UVRAG: variants seen among roughly 807,000 people sequenced by gnomAD.
UVRAG encodes UV radiation resistance associated, also known as UV radiation resistance-associated gene protein.
UVRAG carries 19 observed loss-of-function variants against 78.0 expected under a neutral mutation model. That is an observed-to-expected ratio of 0.24 (90% CI 0.17 to 0.36). The LOEUF (loss-of-function observed/expected upper bound fraction) is 0.36. Among genes scored for constraint, UVRAG ranks in the 10% least tolerant of loss-of-function variants. The pLI, the probability that UVRAG is intolerant of heterozygous loss-of-function variation, is 1.00. For missense variants in UVRAG, 740 were observed against 853.8 expected (o/e 0.87, Z 1.66); for synonymous variants, 323 against 324.6 (o/e 1.00, Z 0.05).
intron 12 of UVRAG, among the ~76,000 whole-genome samples, chr11:76,043,490 G>A (rs1180395905): frequency 2.0e-5 from 3 of 152,174 alleles, no homozygotes; most frequent in Non-Finnish European, 1.5e-5. Flanking sequence ...ATATTGGTAT[G>A]TGTCTTCAAT....
chr11:75,883,097 T>C (rs1245021560), intron 4 of UVRAG, among the ~76,000 whole-genome samples: 1 of 152,190 alleles, frequency 6.6e-6, no homozygotes, highest in Non-Finnish European at 1.5e-5. Context: ...TTGGATAGAC[T>C]CTGATATTAA....
intron 14 of UVRAG, among the ~76,000 whole-genome samples, chr11:76,123,986 G>A (rs532093615): frequency 3.3e-5 from 5 of 151,544 alleles, no homozygotes; most frequent in Non-Finnish European, 2.9e-5. Context: ...GGCTGGTCTC[G>A]AACTCCTGAC....
intron 12 of UVRAG, among the ~76,000 whole-genome samples, chr11:76,061,768 T>G (rs1243261864): frequency 6.6e-6 from 1 of 152,112 alleles, no homozygotes; most frequent in Non-Finnish European, 1.5e-5. Flanking sequence ...ACCGCGAGGG[T>G]CCGCAGCTTC....
At chr11:75,947,135 C>T (rs1948601344) in intron 6 of UVRAG, among the ~76,000 whole-genome samples, 1 of 152,014 alleles carries the variant, frequency 6.6e-6, no homozygotes, top group South Asian at 2.1e-4. Flanking sequence ...GTCTTGTTTC[C>T]AAATATAGTC....
chr11:75,961,603 T>C (rs1411928061), intron 7 of UVRAG, 54 bp downstream of exon 7: 2 of 1,378,006 alleles, frequency 1.5e-6, no homozygotes, highest in Non-Finnish European at 2.0e-6. Flanking sequence ...AAGGAGAGTA[T>C]CATATTCTTC....
intron 5 of UVRAG, among the ~76,000 whole-genome samples, chr11:75,902,864 G>A (rs1485148778): frequency 6.6e-6 from 1 of 152,038 alleles, no homozygotes; most frequent in African/African-American, 2.4e-5. Flanking sequence ...TAGTCTCTTT[G>A]TATCCACTCT....
chr11:76,067,824 C>T (rs1328604165), intron 13 of UVRAG, among the ~76,000 whole-genome samples: 5 of 151,932 alleles, frequency 3.3e-5, no homozygotes, highest in African/African-American at 1.2e-4. Context: ...GCTCCTCCAG[C>T]GATGTCAGCC....
At chr11:75,996,672 C>T (rs1409429773) in intron 8 of UVRAG, among the ~76,000 whole-genome samples, 1 of 152,034 alleles carries the variant, frequency 6.6e-6, no homozygotes, top group Non-Finnish European at 1.5e-5. Flanking sequence ...TGGGGGCAGG[C>T]ACAATAATGC....
intron 13 of UVRAG, among the ~76,000 whole-genome samples, chr11:76,082,244 T>TA (rs1296326600): frequency 6.6e-6 from 1 of 152,040 alleles, no homozygotes; most frequent in African/African-American, 2.4e-5. Flanking sequence ...ATCTTGCCAT[T>TA]AAAAAATCAT....
chr11:76,102,952 CT>C (rs572745278), intron 13 of UVRAG, among the ~76,000 whole-genome samples: 1 of 152,172 alleles, frequency 6.6e-6, no homozygotes, highest in Non-Finnish European at 1.5e-5. Context: ...CAATAATCCA[CT>C]TCCAAGCTCA....
intron 2 of UVRAG, among the ~76,000 whole-genome samples, chr11:75,852,766 A>G (rs1269624104): frequency 6.6e-6 from 1 of 152,186 alleles, no homozygotes; most frequent in Non-Finnish European, 1.5e-5. Flanking sequence ...GGCAAGACAG[A>G]TTTTTATGAG....
At chr11:75,853,266 A>G (rs1055943788) in intron 2 of UVRAG, among the ~76,000 whole-genome samples, 4 of 149,212 alleles carry the variant, frequency 2.7e-5, no homozygotes, top group African/African-American at 1.0e-4. Context: ...AACTTTTTTT[A>G]ATGTCAATTC....
At chr11:75,886,893 T>C (rs1361904097) in intron 4 of UVRAG, among the ~76,000 whole-genome samples, 1 of 151,870 alleles carries the variant, frequency 6.6e-6, no homozygotes, top group African/African-American at 2.4e-5. Flanking sequence ...ATGAAGTAAC[T>C]AAAGCTATTT....
chr11:76,111,589 AAC>A (rs1399568393), intron 13 of UVRAG, among the ~76,000 whole-genome samples: 1 of 152,240 alleles, frequency 6.6e-6, no homozygotes, highest in Non-Finnish European at 1.5e-5. Flanking sequence ...GTAACATACC[AAC>A]ACAGAGTTCC....
chr11:75,883,868 G>A (rs987640436), intron 4 of UVRAG, among the ~76,000 whole-genome samples: 4 of 152,216 alleles, frequency 2.6e-5, no homozygotes, highest in South Asian at 4.2e-4. Context: ...TTGAAAAACC[G>A]ATAGAGTTGA....
At chr11:76,106,615 G>A (rs1455259188) in intron 13 of UVRAG, among the ~76,000 whole-genome samples, 2 of 152,044 alleles carry the variant, frequency 1.3e-5, no homozygotes, top group Non-Finnish European at 2.9e-5. Context: ...TGATCCACCT[G>A]CCTCGGCCTC....
intron 6 of UVRAG, among the ~76,000 whole-genome samples, chr11:75,925,657 G>A (rs903427480): frequency 2.6e-5 from 4 of 152,148 alleles, no homozygotes; most frequent in Admixed American, 1.3e-4. Flanking sequence ...GTCAGAATCC[G>A]TTCCTTTTCT....
chr11:75,849,076 C>A (rs972125272), intron 1 of UVRAG, among the ~76,000 whole-genome samples: 1 of 151,862 alleles, frequency 6.6e-6, no homozygotes, highest in Admixed American at 6.6e-5. Context: ...TACTTGGGAG[C>A]GTGAGACAGG....
intron 1 of UVRAG, among the ~76,000 whole-genome samples, chr11:75,832,439 T>C (rs760016158): frequency 1.5e-4 from 23 of 152,208 alleles, no homozygotes; most frequent in Non-Finnish European, 1.9e-4. Context: ...TTATGTATTA[T>C]TATAGGTTTA....
Sources: gnomAD v4.1 joint callset for allele counts (sites outside exome capture counted in the v4.1 genomes callset) on GRCh38, gnomAD v4.1.1 for gene constraint, MANE v1.5 for transcripts, NCBI Gene and HGNC (gene_info 2026-07-23, HGNC 2026-07-21) for gene names.